Variants in DYRK4 observed in about 807,000 individuals in gnomAD.
The protein encoded by DYRK4 is dual specificity tyrosine phosphorylation regulated kinase 4.
In DYRK4, 64 loss-of-function variants were observed where a neutral mutation model predicts 68.3. The observed-to-expected ratio is 0.94, with a 90% CI of 0.77 to 1.15. The LOEUF (loss-of-function observed/expected upper bound fraction) is 1.15, where lower values mean the gene tolerates loss of function less well. Ranked by LOEUF, DYRK4 falls within the 50% of genes most tolerant of loss-of-function variation. The pLI, the probability that DYRK4 is intolerant of heterozygous loss-of-function variation, is 0.00. For synonymous variants in DYRK4, 274 were observed against 289.9 expected (o/e 0.95, Z 0.56); for missense variants, 740 against 764.7 (o/e 0.97, Z 0.38).
Position 4,613,494 on chromosome 12 carries a change from G to A in DYRK4, c.1667-21G>A. 6.3e-7 allele frequency: 1 copy of A among 1,596,234 alleles called. No individual in the cohort carries two copies. Among genetic ancestry groups the A allele is most frequent in the Non-Finnish European group, 8.6e-7 (1 of 1,166,456 alleles). On this transcript the variant is annotated intron_variant, in intron 14 of 14. Transcript: ENST00000543431. This position sits in a 1 kb window ranked among gnomAD's most constrained non-coding sequence, Gnocchi z 4.0. Reference sequence around the variant, plus strand: ...CCACATTTGAATCTTGTTCCCTTCTGTCTTCTCTCTCCTTTAGCAGATGAG... The same window carrying A: ...CCACATTTGAATCTTGTTCCCTTCTATCTTCTCTCTCCTTTAGCAGATGAG...
intron 5 of DYRK4, 57 bp from the exon 6 acceptor site, chr12:4,592,945 C>A: frequency 1.3e-6 from 2 of 1,575,102 alleles, no homozygotes; most frequent in Non-Finnish European, 1.7e-6. Context: ...CGTCTGCATC[C>A]GGGGCAAATC....
Position 4,600,728 on chromosome 12 carries a change from G to A in DYRK4, c.1126+940G>A, listed in dbSNP as rs1945071600. ...GTGTGAAGCTTCCATGCCCTCTTGG[G>A]GGCACGCCACCCTCCCAACACCACG... On this transcript the variant is annotated intron_variant, in intron 10 of 14. Coordinates refer to ENST00000543431, the MANE Select transcript of DYRK4 (RefSeq NM_001394779.1). Among the ~76,000 whole-genome samples the A allele has an allele frequency of 3.3e-5, 5 of 151,616 alleles. No homozygotes were observed. The South Asian group carries it at 1.1e-3, about 32-fold the overall frequency.
intron 8 of DYRK4, among the ~76,000 whole-genome samples, 173 bp from the exon 9 acceptor site, chr12:4,598,854 CA>C (rs1162039799): frequency 6.6e-6 from 1 of 152,178 alleles, no homozygotes; most frequent in Non-Finnish European, 1.5e-5. Flanking sequence ...ACCCTGCGCC[CA>C]CCACGATTCA....
intron 11 of DYRK4, 120 bp downstream of exon 11, chr12:4,605,206 G>A (rs930398645): frequency 3.5e-6 from 3 of 853,668 alleles, no homozygotes; most frequent in South Asian, 1.9e-5. Context: ...TGTTGTTGTT[G>A]AGTATTCCCT....
At chr12:4,586,989 T>C (rs986183479) in intron 2 of DYRK4, among the ~76,000 whole-genome samples, 3 of 152,192 alleles carry the variant, frequency 2.0e-5, no homozygotes, top group Non-Finnish European at 4.4e-5. Flanking sequence ...AAACAATCAG[T>C]AGTGGAACCA....
intron 10 of DYRK4, chr12:4,602,389 G>C: frequency 1.1e-6 from 1 of 912,974 alleles, no homozygotes; most frequent in South Asian, 1.3e-5. Flanking sequence ...AGTTCTTTCT[G>C]TCAAGGGGAA....
intron 9 of DYRK4, 105 bp from the exon 10 acceptor site, chr12:4,599,602 G>A (rs1024016476): frequency 1.3e-5 from 10 of 757,516 alleles, no homozygotes; most frequent in Non-Finnish European, 2.2e-5. Context: ...GCCCATGGAG[G>A]TGGTCATATT....
chr12:4,593,298 G>T, intron 6 of DYRK4, 133 bp downstream of exon 6: 1 of 1,028,100 alleles, frequency 9.7e-7, no homozygotes, highest in Non-Finnish European at 1.4e-6. Flanking sequence ...AAGTATTCTG[G>T]TAGTGCCAAA....
rs1460742202 is a variant in DYRK4, at chr12:4,596,255, T to G, written c.734T>G (p.Val245Gly). 2.5e-6 allele frequency: 4 copies of G among 1,614,180 alleles called. No individual in the cohort carries two copies. In the Admixed American group the frequency reaches 6.7e-5, roughly 27 times the overall value. The change falls in exon 7 of 15, where the codon GTG (valine) becomes GGG (glycine). Residue 245 changes from valine (V) to glycine (G), a missense_variant. Physicochemically the swap from Val to Gly is moderately radical, Grantham distance 109. Coordinates refer to ENST00000543431, the MANE Select transcript of DYRK4 (RefSeq NM_001394779.1). ...KCLDHKNNEL[V>G]ALKIIRNKKR... ...TTGGATCACAAAAACAATGAGCTGG[T>G]GGCCCTGAAAATCATCAGGAACAAG...
chr12:4,596,981 G>A (rs1945025300), intron 8 of DYRK4: 1 of 1,334,296 alleles, frequency 7.5e-7, no homozygotes, highest in Non-Finnish European at 9.6e-7. Flanking sequence ...CAGGTGACAT[G>A]ACCAAAACAA....
At chr12:4,603,175 G>A in intron 10 of DYRK4, 2 of 1,274,888 alleles carry the variant, frequency 1.6e-6, no homozygotes, top group Non-Finnish European at 2.3e-6. Context: ...CCGAAATGAA[G>A]TCATTTCTTC....
chr12:4,572,893 T>C (rs1229658770), intron 2 of DYRK4: 1 of 203,682 alleles, frequency 4.9e-6, no homozygotes, highest in Non-Finnish European at 1.0e-5. Flanking sequence ...TGTCACACAG[T>C]GGAAGAGGAT....
At position 4,599,091 on chromosome 12, in the gene DYRK4, G is replaced by A. The variant is rs1229750690; in HGVS notation, c.969G>A (p.Arg323=). 2 of 1,613,884 alleles carry A rather than the reference G, an allele frequency of 1.2e-6. No homozygotes were observed. Among genetic ancestry groups the A allele is most frequent in the Admixed American group, 3.3e-5 (2 of 59,984 alleles). The change falls in exon 9 of 15, where the codon CGG becomes CGA. Residue 323 remains arginine (R), a synonymous_variant. Coordinates refer to ENST00000543431, the MANE Select transcript of DYRK4 (RefSeq NM_001394779.1). ...AAGGCTTCAGTCTGTCCATAGTTCG[G>A]CGCTTCACTCTCTCTGTTTTGAAGT... ...NFQGFSLSIV[R]RFTLSVLKCL...
rs1160457658 is a variant in DYRK4 at position 4,605,675 on chromosome 12, T to C, written c.1299+589T>C. 2.1e-5 allele frequency among the ~76,000 whole-genome samples: 3 copies of C among 144,976 alleles called. No individual in the cohort carries two copies. The South Asian group carries it at 6.6e-4, about 32-fold the overall frequency. ...TGCAAATTTTGATAATTATTGAAAATAAAATGTGAAATCTTATTGGGCATA... is the reference window on the plus strand; with the variant it reads ...TGCAAATTTTGATAATTATTGAAAACAAAATGTGAAATCTTATTGGGCATA... On this transcript the variant is annotated intron_variant, in intron 11 of 14. Transcript: ENST00000543431.
At chr12:4,573,038 C>T (rs1392985937) in intron 2 of DYRK4, 14 of 298,424 alleles carry the variant, frequency 4.7e-5, no homozygotes, top group Non-Finnish European at 2.6e-5. Flanking sequence ...GCTGAAGAGA[C>T]AGCAAACAGC....
chr12:4,594,574 C>A (rs1046146361), intron 6 of DYRK4, among the ~76,000 whole-genome samples: 3 of 152,134 alleles, frequency 2.0e-5, no homozygotes, highest in Admixed American at 2.0e-4. Context: ...CCTCCTCAAC[C>A]CCTCCCTCCC....
Position 4,613,005 on chromosome 12 carries a change from A to T in DYRK4, c.1666+287A>T, listed in dbSNP as rs61909657. ...TCAGGGAAATTTGGCATTAGCCTGG[A>T]TCTTTTTTGCCCCTTATTAGGATTT... is the stretch of plus-strand genomic sequence containing the variant. On this transcript the variant is annotated intron_variant, in intron 14 of 14. Coordinates refer to ENST00000543431, the MANE Select transcript of DYRK4 (RefSeq NM_001394779.1). The surrounding 1 kb of genome is among the most constrained non-coding windows in gnomAD (Gnocchi z 4.0). 7,658 of 363,784 alleles carry T rather than the reference A, an allele frequency of 0.021. 124 individuals carry two copies. Among genetic ancestry groups the T allele is most frequent in the Non-Finnish European group, 0.028 (5,513 of 198,092 alleles). The allele number at this position is 363,784 out of a possible 1,614,324, so 22.5% of individuals were successfully genotyped here.
Position 4,610,197 on chromosome 12 carries a change from A to G in DYRK4, c.1403A>G (p.Lys468Arg), listed in dbSNP as rs200164942. Residue 468 changes from lysine (K) to arginine (R), a missense_variant, in exon 13 of 15, where the codon AAA (lysine) becomes AGA (arginine). Lys to Arg is a conservative substitution (Grantham distance 26). This residue lies in a region of DYRK4 where 614 missense variants were observed against 603.7 expected (regional missense o/e 1.02). Transcript: ENST00000543431. ...FPKNITNNRG[K>R]KRYPDSKDLT... ...AAAAATATAACCAACAACAGGGGGA[A>G]AAAAAGATACCCAGATTCCAAGGAC... The G allele has an allele frequency of 6.2e-6, 10 of 1,603,382 alleles. No homozygotes were observed. The highest frequency in any genetic ancestry group is 1.3e-5 in the African/African-American group (1 of 74,332).
intron 2 of DYRK4, among the ~76,000 whole-genome samples, chr12:4,572,282 A>G (rs1478199220): frequency 6.6e-6 from 1 of 152,022 alleles, no homozygotes; most frequent in Non-Finnish European, 1.5e-5. Flanking sequence ...GGGGTCATGG[A>G]CTTTTTTTTG....
Sources: gnomAD v4.1 joint callset for allele counts (sites outside exome capture counted in the v4.1 genomes callset) on GRCh38, gnomAD v4.1.1 for gene constraint, gnomAD v4.1.1 regional missense constraint, Gnocchi (gnomAD v3.1) non-coding constraint, MANE v1.5 for transcripts, NCBI Gene and HGNC (gene_info 2026-07-23, HGNC 2026-07-21) for gene names.